The following PYCARD variants were observed in gnomAD, a reference collection of about 807,000 sequenced individuals.
PYCARD encodes the protein PYD and CARD domain containing, also known as apoptosis-associated speck-like protein containing a CARD.
In PYCARD, 10 loss-of-function variants were observed where a neutral mutation model predicts 10.0. The observed-to-expected ratio is 1.00, with a 90% CI of 0.62 to 1.69. The LOEUF (loss-of-function observed/expected upper bound fraction) is 1.69, where lower values mean the gene tolerates loss of function less well. Ranked by LOEUF, PYCARD falls within the 40% of genes most tolerant of loss-of-function variation. The pLI, the probability that PYCARD is intolerant of heterozygous loss-of-function variation, is 0.00. For synonymous variants in PYCARD, 121 were observed against 122.3 expected, an observed-to-expected ratio of 0.99 and a Z score of 0.07; for missense variants, 239 against 260.2, an observed-to-expected ratio of 0.92 and a Z score of 0.56.
rs377765441 is a variant in PYCARD, at chr16:31,202,156, C to G, written c.322G>C (p.Ala108Pro). The change falls in exon 2 of 3, where the codon GCC becomes CCC. Residue 108 changes from alanine (A) to proline (P), a missense_variant. Ala to Pro is a conservative substitution (Grantham distance 27). Transcript: ENST00000247470. The surrounding 1 kb of genome is among the most constrained non-coding windows in gnomAD (Gnocchi z 4.5). ...AGIQAPPQSA[A>P]KPGLHFIDQH... ...GGTGTGGAGGCCTCACCTGGCTTGG[C>G]TGCCGACTGAGGAGGGGCCTGGATC... 1 of 1,607,400 alleles carries G rather than the reference C, an allele frequency of 6.2e-7. No homozygotes were observed. Among genetic ancestry groups the G allele is most frequent in the South Asian group, 1.1e-5 (1 of 90,924 alleles).
At position 31,202,218 on chromosome 16, in the gene PYCARD, G is replaced by T; in HGVS notation, c.275-15C>A. On this transcript the variant is annotated splice_polypyrimidine_tract_variant and intron_variant, in intron 1 of 2. Transcript: ENST00000247470. This position sits in a 1 kb window ranked among gnomAD's most constrained non-coding sequence, Gnocchi z 4.5. ...GGCTCCAGAGCCTGGAAGGATATGGGCCAAGTGATCCCCTTCCCTTCCCTT... is the reference window on the plus strand; with the variant it reads ...GGCTCCAGAGCCTGGAAGGATATGGTCCAAGTGATCCCCTTCCCTTCCCTT... 6.2e-7 allele frequency: 1 copy of T among 1,602,022 alleles called. No homozygotes were observed. The highest frequency in any genetic ancestry group is 1.7e-4 in the Middle Eastern group (1 of 6,056).
chr16:31,201,901 C>G (rs988323766), intron 2 of PYCARD, 60 bp from the exon 3 acceptor site: 179 of 1,594,980 alleles, frequency 1.1e-4, no homozygotes, highest in Non-Finnish European at 1.5e-4. Context: ...CCCTGCTGAA[C>G]TTGAGTTCTT....
In PYCARD at chr16:31,202,645, T is replaced by A; in HGVS notation, c.46A>T (p.Thr16Ser). The change falls in exon 1 of 3, where the codon ACC (threonine) becomes TCC (serine). Residue 16 changes from threonine to serine, a missense_variant. By Grantham distance (58) the Thr-to-Ser change is moderately conservative. Coordinates refer to ENST00000247470, the MANE Select transcript of PYCARD (RefSeq NM_013258.5). The surrounding 1 kb of genome is among the most constrained non-coding windows in gnomAD (Gnocchi z 4.5). ...DAILDALENL[T>S]AEELKKFKLK... Reference sequence around the variant, plus strand: ...TTGAACTTCTTGAGCTCCTCGGCGGTCAGGTTCTCCAGCGCATCCAGGATG... The same window carrying A: ...TTGAACTTCTTGAGCTCCTCGGCGGACAGGTTCTCCAGCGCATCCAGGATG... 6.2e-7 allele frequency: 1 copy of A among 1,608,400 alleles called. No individual in the cohort carries two copies. The highest frequency in any genetic ancestry group is 8.5e-7 in the Non-Finnish European group (1 of 1,176,982).
At chr16:31,201,869 G>A (rs1030171172) in intron 2 of PYCARD, 28 bp from the exon 3 acceptor site, 9 of 1,609,552 alleles carry the variant, frequency 5.6e-6, no homozygotes, top group Non-Finnish European at 7.6e-6. Flanking sequence ...ACATGAGCCA[G>A]CAGCCAGGGT....
rs1361029719 is a variant in PYCARD at position 31,201,730 on chromosome 16, G to A, written c.443C>T (p.Ala148Val). 6.2e-7 allele frequency: 1 copy of A among 1,614,196 alleles called. No homozygotes were observed. ...TGGGTTGGTGGGCTCGGCCCGCACT[G>A]CCTGGTACTGCTCATCCGTCAGGAC... ...GKVLTDEQYQ[A>V]VRAEPTNPSK... The change falls in exon 3 of 3, where the codon GCA becomes GTA. Residue 148 changes from alanine to valine, a missense_variant. Ala to Val is a moderately conservative substitution (Grantham distance 64). Coordinates refer to ENST00000247470, the MANE Select transcript of PYCARD (RefSeq NM_013258.5).
chr16:31,201,844 G>A lies in PYCARD; in HGVS notation c.332-3C>T. On this transcript the variant is annotated splice_region_variant and splice_polypyrimidine_tract_variant and intron_variant, in intron 2 of 2. Coordinates refer to ENST00000247470, the MANE Select transcript of PYCARD (RefSeq NM_013258.5). ...GTGCTGGTCTATAAAGTGCAGGCCT[G>A]GGGGTGGGAGGAGAACATGAGCCAG... 1.2e-6 allele frequency: 2 copies of A among 1,613,012 alleles called. No homozygotes were observed. The highest frequency in any genetic ancestry group is 1.1e-5 in the South Asian group (1 of 91,072).
In PYCARD at chr16:31,201,844, G is replaced by C. The variant is rs183851025; in HGVS notation, c.332-3C>G. Reference sequence around the variant, plus strand: ...GTGCTGGTCTATAAAGTGCAGGCCTGGGGGTGGGAGGAGAACATGAGCCAG... The same window carrying C: ...GTGCTGGTCTATAAAGTGCAGGCCTCGGGGTGGGAGGAGAACATGAGCCAG... On this transcript the variant is annotated splice_region_variant and splice_polypyrimidine_tract_variant and intron_variant, in intron 2 of 2. Transcript: ENST00000247470. The C allele has an allele frequency of 3.7e-6, 6 of 1,613,012 alleles. No homozygotes were observed. Among genetic ancestry groups the C allele is most frequent in the African/African-American group, 2.7e-5 (2 of 75,046 alleles).
At chr16:31,201,915 GA>G (rs2079445474) in intron 2 of PYCARD, 74 bp from the exon 3 acceptor site, 1 of 1,582,418 alleles carries the variant, frequency 6.3e-7, no homozygotes, top group Non-Finnish European at 8.6e-7. Flanking sequence ...AGTTCTTCAG[GA>G]ATTCCTCTGC....
chr16:31,201,619 T>A lies in PYCARD; in HGVS notation c.554A>T (p.Gln185Leu). Residue 185 changes from glutamine to leucine, a missense_variant, in exon 3 of 3, where the codon CAG becomes CTG. Transcript: ENST00000247470. ...DLLLQALRESQSYLVEDLERS is the reference protein window; with the variant it reads ...DLLLQALRESLSYLVEDLERS ...CTCCAGGTCCTCCACCAGGTAGGACTGGGACTCCCTTAGGGCCTGGAGGAG... is the reference window on the plus strand; with the variant it reads ...CTCCAGGTCCTCCACCAGGTAGGACAGGGACTCCCTTAGGGCCTGGAGGAG... The A allele has an allele frequency of 2.5e-6, 4 of 1,614,138 alleles. No homozygotes were observed. Among genetic ancestry groups the A allele is most frequent in the Non-Finnish European group, 3.4e-6 (4 of 1,179,994 alleles).
rs774703786 is a variant in PYCARD at position 31,202,342 on chromosome 16, C to T, written c.274+75G>A. On this transcript the variant is annotated intron_variant, in intron 1 of 2. Transcript: ENST00000247470. The surrounding 1 kb of genome is among the most constrained non-coding windows in gnomAD (Gnocchi z 4.5). ...GTTTAGGGGTAGGAGGAACAGAAAG[C>T]GGAAGAGCCCGCGGGGTAAGCGCTG... 6.6e-5 allele frequency: 101 copies of T among 1,521,550 alleles called. 1 individual carries two copies. In the African/African-American group the frequency reaches 8.1e-4, roughly 12 times the overall value. 94.3% of individuals were successfully genotyped at this position (1,521,550 alleles called of 1,614,324 possible). A position where few individuals can be genotyped will look rare whatever the true frequency, so the allele number is the denominator to read the frequency against.
At position 31,201,833 on chromosome 16, in the gene PYCARD, A is replaced by G; in HGVS notation, c.340T>C (p.Phe114Leu). 6.2e-7 allele frequency: 1 copy of G among 1,613,910 alleles called. No individual in the cohort carries two copies. Among genetic ancestry groups the G allele is most frequent in the Non-Finnish European group, 8.5e-7 (1 of 1,179,936 alleles). Residue 114 changes from phenylalanine to leucine, a missense_variant, in exon 3 of 3, where the codon TTT (phenylalanine) becomes CTT (leucine). Coordinates refer to ENST00000247470, the MANE Select transcript of PYCARD (RefSeq NM_013258.5). ...PQSAAKPGLH[F>L]IDQHRAALIA... ...AGCGCAGCCCGGTGCTGGTCTATAA[A>G]GTGCAGGCCTGGGGGTGGGAGGAGA...
rs1384601671 is a variant in PYCARD at position 31,202,400 on chromosome 16, G to A, written c.274+17C>T. 2.0e-6 allele frequency: 3 copies of A among 1,471,298 alleles called. No homozygotes were observed. Among genetic ancestry groups the A allele is most frequent in the Non-Finnish European group, 2.7e-6 (3 of 1,093,520 alleles). The allele number at this position is 1,471,298 out of a possible 1,614,324, so 91.1% of individuals were successfully genotyped here. ...TGGAGGGGAAAGACGGGGTGGAGGGGAACGGGGGCGGCTCACCCTGGTGCG... is the reference window on the plus strand; with the variant it reads ...TGGAGGGGAAAGACGGGGTGGAGGGAAACGGGGGCGGCTCACCCTGGTGCG... On this transcript the variant is annotated intron_variant, in intron 1 of 2. Transcript: ENST00000247470. The surrounding 1 kb of genome is among the most constrained non-coding windows in gnomAD (Gnocchi z 4.5).
chr16:31,201,818 G>T lies in PYCARD; in HGVS notation c.355C>A (p.Arg119=). 6.2e-7 allele frequency: 1 copy of T among 1,614,158 alleles called. No individual in the cohort carries two copies. The highest frequency in any genetic ancestry group is 1.1e-5 in the South Asian group (1 of 91,090). The change falls in exon 3 of 3, where the codon CGG becomes AGG. Residue 119 remains arginine, a synonymous_variant. Coordinates refer to ENST00000247470, the MANE Select transcript of PYCARD (RefSeq NM_013258.5). ...KPGLHFIDQH[R]AALIARVTNV... is the part of the protein sequence containing the mutation. The stretch of plus-strand genomic sequence containing the variant: ...GTGACCCTCGCGATAAGCGCAGCCC[G>T]GTGCTGGTCTATAAAGTGCAGGCCT...
In PYCARD at chr16:31,201,807, A is replaced by T; in HGVS notation, c.366T>A (p.Leu122=). The part of the protein sequence containing the change: ...LHFIDQHRAA[L]IARVTNVEWL... ...ACTCAACGTTTGTGACCCTCGCGAT[A>T]AGCGCAGCCCGGTGCTGGTCTATAA... Residue 122 remains leucine (L), a synonymous_variant, in exon 3 of 3, where the codon CTT becomes CTA. Transcript: ENST00000247470. 1 of 1,614,206 alleles carries T rather than the reference A, an allele frequency of 6.2e-7. No homozygotes were observed.
Position 31,202,625 on chromosome 16 carries a change from C to T in PYCARD, c.66G>A (p.Lys22=). ...LENLTAEELK[K]FKLKLLSVPL... Reference sequence around the variant, plus strand: ...GCACCGACAGCAGCTTCAGCTTGAACTTCTTGAGCTCCTCGGCGGTCAGGT... The same window carrying T: ...GCACCGACAGCAGCTTCAGCTTGAATTTCTTGAGCTCCTCGGCGGTCAGGT... Residue 22 remains lysine, a synonymous_variant, in exon 1 of 3, where the codon AAG becomes AAA. Coordinates refer to ENST00000247470, the MANE Select transcript of PYCARD (RefSeq NM_013258.5). This position sits in a 1 kb window ranked among gnomAD's most constrained non-coding sequence, Gnocchi z 4.5. 6.2e-7 allele frequency: 1 copy of T among 1,612,228 alleles called. No individual in the cohort carries two copies. Among genetic ancestry groups the T allele is most frequent in the Non-Finnish European group, 8.5e-7 (1 of 1,179,286 alleles).
rs1327215180 is a variant in PYCARD at position 31,202,619 on chromosome 16, C to T, written c.72G>A (p.Lys24=). ...NLTAEELKKF[K]LKLLSVPLRE... ...GCAGCGGCACCGACAGCAGCTTCAG[C>T]TTGAACTTCTTGAGCTCCTCGGCGG... The change falls in exon 1 of 3, where the codon AAG becomes AAA. Residue 24 remains lysine, a synonymous_variant. Transcript: ENST00000247470. The surrounding 1 kb of genome is among the most constrained non-coding windows in gnomAD (Gnocchi z 4.5). The T allele has an allele frequency of 6.2e-7, 1 of 1,612,456 alleles. No individual in the cohort carries two copies. The highest frequency in any genetic ancestry group is 8.5e-7 in the Non-Finnish European group (1 of 1,179,534).
rs770551063 is a variant in PYCARD at position 31,202,726 on chromosome 16, C to A, written c.-36G>T. 1 of 1,517,966 alleles carries A rather than the reference C, an allele frequency of 6.6e-7. No individual in the cohort carries two copies. The highest frequency in any genetic ancestry group is 8.8e-7 in the Non-Finnish European group (1 of 1,137,232). 94.0% of individuals were successfully genotyped at this position (1,517,966 alleles called of 1,614,324 possible). A position where few individuals can be genotyped will look rare whatever the true frequency, so the allele number is the denominator to read the frequency against. On this transcript the variant is annotated 5_prime_UTR_variant, in exon 1 of 3. Coordinates refer to ENST00000247470, the MANE Select transcript of PYCARD (RefSeq NM_013258.5). This position sits in a 1 kb window ranked among gnomAD's most constrained non-coding sequence, Gnocchi z 4.5. ...TCCCCGGCCGCTGCCGCCGCTCACC[C>A]CGCTGCAGCCGCCGACCAGGAGGAA...
chr16:31,202,272 C>G lies in PYCARD; in HGVS notation c.275-69G>C, dbSNP rs778069266. On this transcript the variant is annotated intron_variant, in intron 1 of 2. Coordinates refer to ENST00000247470, the MANE Select transcript of PYCARD (RefSeq NM_013258.5). This position sits in a 1 kb window ranked among gnomAD's most constrained non-coding sequence, Gnocchi z 4.5. ...GCCGTGGGGCCGGGGTCCCGTTGGT[C>G]GGTAGGCCAAGCGTGGGGAGCCTCC... 1 of 1,574,908 alleles carries G rather than the reference C, an allele frequency of 6.3e-7. No individual in the cohort carries two copies.
At position 31,201,650 on chromosome 16, in the gene PYCARD, C is replaced by A. The variant is rs1422628035; in HGVS notation, c.523G>T (p.Asp175Tyr). 1 of 1,614,246 alleles carries A rather than the reference C, an allele frequency of 6.2e-7. No individual in the cohort carries two copies. The highest frequency in any genetic ancestry group is 8.5e-7 in the Non-Finnish European group (1 of 1,180,042). The change falls in exon 3 of 3, where the codon GAC (aspartate) becomes TAC (tyrosine). Residue 175 changes from aspartate to tyrosine, a missense_variant. Transcript: ENST00000247470. ...TCCCTTAGGGCCTGGAGGAGCAAGT[C>A]CTTGCAGGTCCAGTTCCAGGCTGGT... ...FTPAWNWTCK[D>Y]LLLQALRESQ... is the part of the protein sequence containing the mutation.
Sources: allele counts gnomAD v4.1 joint callset, GRCh38; gene constraint gnomAD v4.1.1; non-coding constraint Gnocchi (gnomAD v3.1); transcripts MANE v1.5; gene names NCBI Gene and HGNC (gene_info 2026-07-23, HGNC 2026-07-21).